The following CKM variants were observed in gnomAD, a reference collection of about 807,000 sequenced individuals.
CKM encodes the protein creatine kinase, M-type.
In CKM, 28 loss-of-function variants were observed where a neutral mutation model predicts 35.4. The ratio of observed to expected loss-of-function variants is 0.79; its 90% CI spans 0.59 to 1.08. CKM has a LOEUF of 1.08. Among genes scored for constraint, CKM ranks in the 50% least tolerant of loss-of-function variants. The pLI is 0.00. For synonymous variants in CKM, 215 were observed against 204.4 expected (o/e 1.05, Z -0.44); for missense variants, 484 against 509.8 (o/e 0.95, Z 0.49).
intron 3 of CKM, among the ~76,000 whole-genome samples, chr19:45,317,459 G>C (rs112723508): frequency 0.089 from 13,482 of 151,902 alleles, 707 homozygotes; most frequent in African/African-American, 0.12. Context: ...AGCTAATTCT[G>C]TATTTTTAGT....
At chr19:45,311,964 C>A in intron 4 of CKM, 44 bp from the exon 5 acceptor site, 1 of 1,609,408 alleles carries the variant, frequency 6.2e-7, no homozygotes, top group Non-Finnish European at 8.5e-7. Flanking sequence ...TGTCCCACCT[C>A]AACCAGGGTG....
At position 45,306,856 on chromosome 19, in the gene CKM, A is replaced by T. The variant is rs1365522201; in HGVS notation, c.1040T>A (p.Val347Glu). ...ATCCACCACCAGCTGCACCTGTTCT[A>T]CTTCGGACGAGCCCAGCCGATCAGC... ...SNADRLGSSE[V>E]EQVQLVVDGV... Residue 347 changes from valine to glutamate, a missense_variant, in exon 8 of 8, where the codon GTA (valine) becomes GAA (glutamate). Val to Glu is a moderately radical substitution (Grantham distance 121, BLOSUM62 -2). Coordinates refer to ENST00000221476, the MANE Select transcript of CKM (RefSeq NM_001824.5). The surrounding 1 kb of genome is among the most constrained non-coding windows in gnomAD (Gnocchi z 4.5). The T allele has an allele frequency of 6.2e-7, 1 of 1,614,174 alleles. No individual in the cohort carries two copies. The highest frequency in any genetic ancestry group is 1.1e-5 in the South Asian group (1 of 91,078).
At chr19:45,316,056 G>A (rs939102773) in intron 3 of CKM, among the ~76,000 whole-genome samples, 3 of 151,790 alleles carry the variant, frequency 2.0e-5, no homozygotes, top group African/African-American at 4.8e-5. Flanking sequence ...GGGGCTGGGC[G>A]CGGTGGCTCA....
At position 45,306,485 on chromosome 19, in the gene CKM, T is replaced by C; in HGVS notation, c.*265A>G. On this transcript the variant is annotated 3_prime_UTR_variant, in exon 8 of 8. Transcript: ENST00000221476. The surrounding 1 kb of genome is among the most constrained non-coding windows in gnomAD (Gnocchi z 4.5). The stretch of plus-strand genomic sequence containing the variant: ...CAAGCTCCGAGTGTGCTGGGAGCTC[T>C]CCATTAACTAGAGCTCCTGGTTGGG... 1.9e-6 allele frequency: 1 copy of C among 538,596 alleles called. No homozygotes were observed. Among genetic ancestry groups the C allele is most frequent in the East Asian group, 3.1e-5 (1 of 32,106 alleles). 33.4% of individuals were successfully genotyped at this position (538,596 alleles called of 1,614,324 possible).
intron 3 of CKM, among the ~76,000 whole-genome samples, 193 bp downstream of exon 3, chr19:45,317,632 G>T (rs1568512221): frequency 6.6e-6 from 1 of 151,314 alleles, no homozygotes; most frequent in Non-Finnish European, 1.5e-5. Context: ...ATGTTGGCCA[G>T]GCTGGTCTTG....
At chr19:45,311,642 C>A (rs1042168682) in intron 5 of CKM, 107 bp downstream of exon 5, 1 of 931,298 alleles carries the variant, frequency 1.1e-6, no homozygotes, top group South Asian at 1.6e-5. Context: ...TTTAGAAGAT[C>A]ATAATTACGT....
Position 45,306,585 on chromosome 19 carries a change from T to C in CKM, c.*165A>G, listed in dbSNP as rs1971053536. ...GCCAGAATCCAGAGGATGGAGCCCA[T>C]TGGTTGGAACTCTGGTTGAAACTGG... On this transcript the variant is annotated 3_prime_UTR_variant, in exon 8 of 8. Coordinates refer to ENST00000221476, the MANE Select transcript of CKM (RefSeq NM_001824.5). The surrounding 1 kb of genome is among the most constrained non-coding windows in gnomAD (Gnocchi z 4.5). The C allele has an allele frequency of 7.2e-6, 5 of 696,008 alleles. No individual in the cohort carries two copies. The highest frequency in any genetic ancestry group is 1.0e-5 in the Non-Finnish European group (4 of 399,334). 43.1% of individuals were successfully genotyped at this position (696,008 alleles called of 1,614,324 possible). A position where few individuals can be genotyped will look rare whatever the true frequency, so the allele number is the denominator to read the frequency against.
chr19:45,311,821 A>G lies in CKM; in HGVS notation c.581T>C (p.Phe194Ser). 3 of 1,612,860 alleles carry G rather than the reference A, an allele frequency of 1.9e-6. No individual in the cohort carries two copies. Among genetic ancestry groups the G allele is most frequent in the Non-Finnish European group, 2.5e-6 (3 of 1,179,588 alleles). ...CAGCAGCGGGGACACGGGCTTGTCG[A>G]ACAGGAAGTGGTCATCGATGAGCTG... Reference protein sequence around the residue: ...QQQLIDDHFLFDKPVSPLLLA... With the variant: ...QQQLIDDHFLSDKPVSPLLLA... The change falls in exon 5 of 8, where the codon TTC becomes TCC. Residue 194 changes from phenylalanine (F) to serine (S), a missense_variant. Coordinates refer to ENST00000221476, the MANE Select transcript of CKM (RefSeq NM_001824.5).
At chr19:45,322,118 A>G (rs1971218525) in intron 1 of CKM, among the ~76,000 whole-genome samples, 1 of 151,998 alleles carries the variant, frequency 6.6e-6, no homozygotes, top group Admixed American at 6.6e-5. Context: ...GCTCAAGGAC[A>G]TCCTGGGATG....
chr19:45,309,081 A>T (rs1409581638), intron 5 of CKM, among the ~76,000 whole-genome samples: 1 of 151,820 alleles, frequency 6.6e-6, no homozygotes, highest in East Asian at 1.9e-4. Context: ...ACAAAAAAAA[A>T]TCTGGGCATG....
chr19:45,315,379 G>A lies in CKM; in HGVS notation c.481+86C>T, dbSNP rs1023814600. On this transcript the variant is annotated intron_variant, in intron 4 of 7. Coordinates refer to ENST00000221476, the MANE Select transcript of CKM (RefSeq NM_001824.5). ...CTCTTCCCCTACTTTGAAAAGCGGG[G>A]GCCCAAAGAGACCCGAGGACCTGCC... is the stretch of plus-strand genomic sequence containing the variant. The A allele has an allele frequency of 1.6e-5, 24 of 1,477,548 alleles. No homozygotes were observed. The African/African-American group carries it at 3.0e-4, about 19-fold the overall frequency. The allele number at this position is 1,477,548 out of a possible 1,614,324, so 91.5% of individuals were successfully genotyped here.
At chr19:45,319,497 C>A in intron 2 of CKM, 24 bp downstream of exon 2, 1 of 1,597,582 alleles carries the variant, frequency 6.3e-7, no homozygotes, top group Non-Finnish European at 8.6e-7. Context: ...GTAGCCCCTT[C>A]AGTGCTCCAC....
intron 3 of CKM, 29 bp downstream of exon 3, chr19:45,317,796 C>CG (rs1382168966): frequency 6.2e-7 from 1 of 1,613,200 alleles, no homozygotes; most frequent in African/African-American, 1.3e-5. Context: ...CCTCACCCCT[C>CG]GGCCCTCCCC....
intron 3 of CKM, among the ~76,000 whole-genome samples, chr19:45,315,861 CG>C (rs1971153425): frequency 8.2e-6 from 1 of 122,156 alleles, no homozygotes; most frequent in Admixed American, 7.7e-5. Context: ...TTTTTTTCTT[CG>C]AGACAGGGTC....
Position 45,311,883 on chromosome 19 carries a change from G to GTACTT in CKM, c.514_518dup (p.Tyr173Ter), listed in dbSNP as rs1971113783. ...TCTCCGTCATGCTCTTCAGAGGGTA[G>GTACTT]TACTTCCCTTTGAACTCGCCCGTCA... On this transcript the variant is annotated stop_gained and frameshift_variant, in exon 5 of 8. Transcript: ENST00000221476. LOFTEE classifies it high-confidence loss of function. 2 of 1,614,058 alleles carry GTACTT rather than the reference G, an allele frequency of 1.2e-6. No individual in the cohort carries two copies. Among genetic ancestry groups the GTACTT allele is most frequent in the Non-Finnish European group, 1.7e-6 (2 of 1,179,956 alleles).
chr19:45,318,089 C>T (rs1304427956), intron 2 of CKM, 110 bp from the exon 3 acceptor site: 2 of 803,666 alleles, frequency 2.5e-6, no homozygotes, highest in Non-Finnish European at 4.2e-6. Flanking sequence ...GGGGCGGGTA[C>T]ATTCAATACC....
chr19:45,310,833 C>A (rs949659909), intron 5 of CKM, among the ~76,000 whole-genome samples: 4 of 131,730 alleles, frequency 3.0e-5, no homozygotes, highest in African/African-American at 1.2e-4. Flanking sequence ...TGCAGTGGCA[C>A]GATCTCAGCT....
chr19:45,307,297 T>A (rs1971062170), intron 7 of CKM, among the ~76,000 whole-genome samples, 164 bp downstream of exon 7: 1 of 152,198 alleles, frequency 6.6e-6, no homozygotes, highest in African/African-American at 2.4e-5. Flanking sequence ...TCCTATCACA[T>A]AGGCATATTG....
At chr19:45,317,725 G>A in intron 3 of CKM, 100 bp downstream of exon 3, 1 of 1,324,528 alleles carries the variant, frequency 7.5e-7, no homozygotes, top group South Asian at 1.2e-5. Flanking sequence ...CCACACCTCT[G>A]TGTCTCTCTC....
Sources: allele counts gnomAD v4.1 joint callset (sites outside exome capture counted in the v4.1 genomes callset), GRCh38; gene constraint gnomAD v4.1.1; non-coding constraint Gnocchi (gnomAD v3.1); transcripts MANE v1.5; gene names NCBI Gene and HGNC (gene_info 2026-07-23, HGNC 2026-07-21).